Variants in SAMMSON observed in about 807,000 individuals in gnomAD.
The protein encoded by SAMMSON is survival associated mitochondrial melanoma specific oncogenic non-coding RNA, also known as long intergenic non-protein coding RNA 1212.
intron 4 of SAMMSON, chr3:70,126,521 A>C: frequency 1.7e-6 from 1 of 605,708 alleles, no homozygotes; most frequent in Admixed American, 2.7e-5. Flanking sequence ...CAGGTGCCTC[A>C]CCAGAAGAGT....
intron 4 of SAMMSON, among the ~76,000 whole-genome samples, chr3:70,100,038 C>T (rs1220747098): frequency 6.6e-6 from 1 of 152,148 alleles, no homozygotes; most frequent in Non-Finnish European, 1.5e-5. Context: ...GTGAAATGGC[C>T]TTCCGAGGAA....
Position 70,312,229 on chromosome 3 carries a change from A to G in SAMMSON, n.739+20986A>G, listed in dbSNP as rs185591436. Among the ~76,000 whole-genome samples the G allele has an allele frequency of 2.6e-5, 4 of 152,314 alleles. No individual in the cohort carries two copies. The East Asian group carries it at 7.7e-4, about 29-fold the overall frequency. On this transcript the variant is annotated intron_variant and non_coding_transcript_variant, in intron 7 of 9. Transcript: ENST00000642114. The stretch of plus-strand genomic sequence containing the variant: ...TGTTACAAGACCTTACAATTTCTCA[A>G]TGTGAAAGAATAACAGATTAACAAC...
At chr3:70,069,817 C>T (rs1370494509) in intron 3 of SAMMSON, 1 of 152,098 alleles carries the variant, frequency 6.6e-6, no homozygotes, top group Non-Finnish European at 1.5e-5. Context: ...AATATAGGCT[C>T]TTGACAACTA....
chr3:70,003,197 T>A (rs184061147), intron 1 of SAMMSON, among the ~76,000 whole-genome samples: 67 of 152,174 alleles, frequency 4.4e-4, no homozygotes, highest in Non-Finnish European at 8.0e-4. Context: ...ATTTTTACTC[T>A]TTTTAAAAAT....
chr3:70,053,579 T>C (rs6549266), intron 3 of SAMMSON, among the ~76,000 whole-genome samples: 78,997 of 152,052 alleles, frequency 0.52, 21,316 homozygotes, highest in East Asian at 0.73. Context: ...TGACACGTGC[T>C]AATTTTGTAA....
chr3:70,416,214 G>A (rs1203322830), intron 2 of SAMMSON, among the ~76,000 whole-genome samples: 2 of 152,162 alleles, frequency 1.3e-5, no homozygotes, highest in African/African-American at 4.8e-5. Context: ...ATGAGCACTA[G>A]AGAAAGTATT....
intron 4 of SAMMSON, chr3:70,126,061 A>G (rs1435293981): frequency 3.8e-6 from 4 of 1,062,352 alleles, no homozygotes; most frequent in Non-Finnish European, 4.2e-6. Context: ...AAGATGAAGG[A>G]CCTGTACATA....
At chr3:70,156,327 AT>A (rs537229667) in intron 4 of SAMMSON, among the ~76,000 whole-genome samples, 3 of 152,028 alleles carry the variant, frequency 2.0e-5, no homozygotes, top group Non-Finnish European at 4.4e-5. Context: ...GGTCTCAGTT[AT>A]TTTTTCAACA....
chr3:70,066,923 T>C (rs994298219), intron 3 of SAMMSON, among the ~76,000 whole-genome samples: 1 of 152,156 alleles, frequency 6.6e-6, no homozygotes, highest in Non-Finnish European at 1.5e-5. Flanking sequence ...GTTGGTTATT[T>C]AAATATGTTC....
chr3:70,329,613 A>G (rs1308305450), intron 7 of SAMMSON, among the ~76,000 whole-genome samples: 1 of 152,046 alleles, frequency 6.6e-6, no homozygotes, highest in East Asian at 1.9e-4. Context: ...TGATTACAAT[A>G]TCCTGGAGAA....
intron 7 of SAMMSON, among the ~76,000 whole-genome samples, chr3:70,350,945 T>C (rs1434458453): frequency 3.3e-5 from 5 of 152,180 alleles, no homozygotes; most frequent in African/African-American, 1.2e-4. Flanking sequence ...ATAGTCAAGA[T>C]AACTCCTAAA....
chr3:70,181,082 C>T (rs913634650), intron 4 of SAMMSON, among the ~76,000 whole-genome samples: 1 of 152,024 alleles, frequency 6.6e-6, no homozygotes, highest in Non-Finnish European at 1.5e-5. Flanking sequence ...AGTGGGTGAA[C>T]GTTGAGAGTA....
intron 7 of SAMMSON, among the ~76,000 whole-genome samples, chr3:70,353,923 A>G (rs1251154681): frequency 6.6e-6 from 1 of 152,210 alleles, no homozygotes; most frequent in Admixed American, 6.6e-5. Flanking sequence ...TTCCAGGGAT[A>G]TATGCTAAGG....
intron 3 of SAMMSON, among the ~76,000 whole-genome samples, chr3:70,063,548 G>A (rs1398011317): frequency 6.6e-6 from 1 of 152,076 alleles, no homozygotes; most frequent in Non-Finnish European, 1.5e-5. Flanking sequence ...TAGCTGCAAA[G>A]AATTACATCT....
intron 4 of SAMMSON, among the ~76,000 whole-genome samples, chr3:70,163,612 T>C (rs574077934): frequency 3.6e-4 from 55 of 152,036 alleles, no homozygotes; most frequent in African/African-American, 1.3e-3. Flanking sequence ...TGAGGAGACA[T>C]TTTAAAGACC....
At chr3:70,085,313 A>T (rs1258956963) in intron 4 of SAMMSON, among the ~76,000 whole-genome samples, 1 of 152,204 alleles carries the variant, frequency 6.6e-6, no homozygotes, top group Non-Finnish European at 1.5e-5. Context: ...TAAACATGCG[A>T]GAATTCTTTC....
chr3:70,099,647 T>G (rs1207970973), intron 4 of SAMMSON, among the ~76,000 whole-genome samples: 1 of 152,194 alleles, frequency 6.6e-6, no homozygotes, highest in African/African-American at 2.4e-5. Context: ...TTCTTCAAGC[T>G]TGTTCTTTGT....
chr3:70,412,991 T>TTTTTG (rs2106769731), intron 2 of SAMMSON, among the ~76,000 whole-genome samples: 1 of 151,690 alleles, frequency 6.6e-6, no homozygotes, highest in South Asian at 2.1e-4. Context: ...TTGTTGTTGT[T>TTTTTG]TTTTGTTTTT....
chr3:70,056,995 A>T (rs1481532988), intron 3 of SAMMSON, among the ~76,000 whole-genome samples: 1 of 152,090 alleles, frequency 6.6e-6, no homozygotes, highest in Non-Finnish European at 1.5e-5. Flanking sequence ...ATTTATCTGT[A>T]GGAAGTATCT....
Sources: allele counts gnomAD v4.1 joint callset (sites outside exome capture counted in the v4.1 genomes callset), GRCh38; gene constraint gnomAD v4.1.1; transcripts MANE v1.5; gene names NCBI Gene and HGNC (gene_info 2026-07-23, HGNC 2026-07-21).